Variants in FAM81A observed in about 807,000 individuals in gnomAD.
The protein encoded by FAM81A is family with sequence similarity 81 member A.
Under a neutral mutation model 46.7 loss-of-function variants are expected in FAM81A, and 19 were observed. That is an observed-to-expected ratio of 0.41 (90% CI 0.28 to 0.60). The LOEUF is 0.60. Ranked by LOEUF, FAM81A falls within the 20% of genes least tolerant of loss-of-function variation. The probability of loss-of-function intolerance (pLI) is 0.34; values close to 1 mark genes in which losing one functional copy is unlikely to be tolerated. For synonymous variants in FAM81A, 183 were observed against 152.9 expected, an observed-to-expected ratio of 1.20 and a Z score of -1.45; for missense variants, 377 against 453.5, an observed-to-expected ratio of 0.83 and a Z score of 1.53.
intron 3 of FAM81A, among the ~76,000 whole-genome samples, chr15:59,463,738 GGA>G (rs1466891202): frequency 1.6e-5 from 1 of 64,388 alleles, no homozygotes; most frequent in African/African-American, 8.0e-5. Context: ...ATCCATTTGG[GGA>G]GAGTTGCCAT....
chr15:59,468,075 G>A (rs2081637329), intron 3 of FAM81A, among the ~76,000 whole-genome samples: 1 of 152,112 alleles, frequency 6.6e-6, no homozygotes, highest in Admixed American at 6.5e-5. Flanking sequence ...GATCTTGGTG[G>A]ATAAGCTTTT....
At chr15:59,502,358 G>C (rs1027258379) in intron 4 of FAM81A, among the ~76,000 whole-genome samples, 3 of 151,836 alleles carry the variant, frequency 2.0e-5, no homozygotes, top group Non-Finnish European at 2.9e-5. Context: ...AGTCCCCAGA[G>C]TGTGATGTTC....
At chr15:59,431,065 C>T (rs577258531) in intron 2 of FAM81A, among the ~76,000 whole-genome samples, 19 of 152,116 alleles carry the variant, frequency 1.2e-4, no homozygotes, top group African/African-American at 4.6e-4. Context: ...TGCCTTTGAT[C>T]TCCATTTGAA....
In FAM81A at chr15:59,487,200, TTA is replaced by T. The variant is rs1391702171; in HGVS notation, c.295-5061_295-5060del. Among the ~76,000 whole-genome samples the T allele has an allele frequency of 2.7e-5, 4 of 146,784 alleles. No individual in the cohort carries two copies. In the East Asian group the frequency reaches 5.8e-4, roughly 21 times the overall value. On this transcript the variant is annotated intron_variant, in intron 3 of 8. Coordinates refer to ENST00000288228, the MANE Select transcript of FAM81A (RefSeq NM_152450.3). ...TATATATATATATTTTATATATATA[TTA>T]TATATATATCTTATATGTATATTAT... is the stretch of plus-strand genomic sequence containing the variant.
intron 4 of FAM81A, 138 bp downstream of exon 4, chr15:59,492,527 TA>T: frequency 1.5e-6 from 1 of 668,324 alleles, no homozygotes; most frequent in Non-Finnish European, 2.5e-6. Flanking sequence ...GCTTTGGCCA[TA>T]AAATCCAGTG....
At position 59,479,442 on chromosome 15, in the gene FAM81A, C is replaced by T. The variant is rs146882650; in HGVS notation, c.295-12829C>T. ...AGGAGAATTGCTTGAACCCGGGAGG[C>T]GGAGGTTGCAGTGAGCTGAGATTGT... On this transcript the variant is annotated intron_variant, in intron 3 of 8. Transcript: ENST00000288228. 2.3e-3 allele frequency among the ~76,000 whole-genome samples: 304 copies of T among 134,108 alleles called. 4 individuals carry two copies. Among genetic ancestry groups the T allele is most frequent in the Middle Eastern group, 4.4e-3 (1 of 226 alleles). The allele number at this position is 134,108 out of a possible 152,430, so 88.0% of individuals were successfully genotyped here.
intron 1 of FAM81A, among the ~76,000 whole-genome samples, chr15:59,443,002 T>TA: frequency 1.3e-5 from 2 of 152,224 alleles, no homozygotes. Flanking sequence ...AGCTATTATC[T>TA]AATCAACAGG....
chr15:59,417,774 TA>T lies in FAM81A; in HGVS notation c.-78+15417del, dbSNP rs1389587488. 7.2e-5 allele frequency among the ~76,000 whole-genome samples: 11 copies of T among 152,148 alleles called. No homozygotes were observed. In the East Asian group the frequency reaches 9.6e-4, roughly 13 times the overall value. On this transcript the variant is annotated intron_variant, in intron 2 of 4. Coordinates refer to the FAM81A transcript ENST00000558348. ...ATTTTTTTTGCTTGATTATCCCTTT[TA>T]TTTTTTTTATTATACTTTAAAGTTC...
intron 3 of FAM81A, among the ~76,000 whole-genome samples, chr15:59,483,382 CT>C (rs2081878542): frequency 6.6e-6 from 1 of 152,050 alleles, no homozygotes; most frequent in South Asian, 2.1e-4. Flanking sequence ...CAGGTTTCCA[CT>C]GAGGGAAACA....
rs1425258448 is a variant in FAM81A at position 59,522,410 on chromosome 15, A to T, written c.*1032A>T. On this transcript the variant is annotated 3_prime_UTR_variant, in exon 9 of 9. Coordinates refer to ENST00000288228, the MANE Select transcript of FAM81A (RefSeq NM_152450.3). ...CTCTGTATTTTTTAAATGTTCTAAA[A>T]ATTTTATCGCTGTTAAGGTATTAAT... 6.6e-6 allele frequency: 1 copy of T among 152,658 alleles called. No homozygotes were observed. Among genetic ancestry groups the T allele is most frequent in the East Asian group, 1.9e-4 (1 of 5,206 alleles). 9.5% of individuals were successfully genotyped at this position (152,658 alleles called of 1,614,324 possible). A position where few individuals can be genotyped will look rare whatever the true frequency, so the allele number is the denominator to read the frequency against.
intron 3 of FAM81A, among the ~76,000 whole-genome samples, chr15:59,471,851 T>G (rs1161362986): frequency 6.6e-6 from 1 of 152,150 alleles, no homozygotes; most frequent in Non-Finnish European, 1.5e-5. Flanking sequence ...GGACAAGGAT[T>G]CACTCAGAAT....
intron 3 of FAM81A, among the ~76,000 whole-genome samples, chr15:59,466,114 G>T (rs1393679429): frequency 1.3e-5 from 2 of 152,184 alleles, no homozygotes; most frequent in Non-Finnish European, 2.9e-5. Context: ...ATCACTGATG[G>T]ACATTTGGGT....
At chr15:59,489,146 T>G (rs1317313928) in intron 3 of FAM81A, among the ~76,000 whole-genome samples, 2 of 151,510 alleles carry the variant, frequency 1.3e-5, no homozygotes, top group African/African-American at 4.9e-5. Flanking sequence ...GCGCCTGTAG[T>G]CCCAGCTACT....
chr15:59,422,977 A>G (rs1030964421), intron 2 of FAM81A, among the ~76,000 whole-genome samples: 22 of 152,238 alleles, frequency 1.4e-4, no homozygotes, highest in Non-Finnish European at 3.1e-4. Context: ...AATAATGATA[A>G]TAATGATAGT....
chr15:59,507,134 A>T (rs2082157640), intron 4 of FAM81A, 79 bp from the exon 5 acceptor site: 2 of 1,504,738 alleles, frequency 1.3e-6, no homozygotes, highest in Non-Finnish European at 1.8e-6. Flanking sequence ...TGGGTTTTGC[A>T]TTTCAGAGTG....
chr15:59,486,522 A>G (rs2081918716), intron 3 of FAM81A, among the ~76,000 whole-genome samples: 1 of 152,186 alleles, frequency 6.6e-6, no homozygotes, highest in Non-Finnish European at 1.5e-5. Context: ...ATCAAAATTC[A>G]AGTACAAGAA....
chr15:59,518,929 T>TTGTGTGTGTGTGTC (rs1219753725), intron 8 of FAM81A, among the ~76,000 whole-genome samples: 1 of 136,008 alleles, frequency 7.4e-6, no homozygotes, highest in South Asian at 2.4e-4. Flanking sequence ...TCACAGGTAT[T>TTGTGTGTGTGTGTC]TGTGTGTGTG....
intron 1 of FAM81A, among the ~76,000 whole-genome samples, chr15:59,450,571 T>C (rs2081407092): frequency 6.6e-6 from 1 of 152,238 alleles, no homozygotes; most frequent in Non-Finnish European, 1.5e-5. Context: ...GATCTTTTCA[T>C]ACTTGATTTT....
intron 4 of FAM81A, among the ~76,000 whole-genome samples, chr15:59,499,280 T>A (rs1596532077): frequency 6.6e-6 from 1 of 152,328 alleles, no homozygotes; most frequent in Non-Finnish European, 1.5e-5. Context: ...CACCATCTGT[T>A]GTCATTTCCT....
Sources: gnomAD v4.1 joint callset for allele counts (sites outside exome capture counted in the v4.1 genomes callset) on GRCh38, gnomAD v4.1.1 for gene constraint, MANE v1.5 for transcripts, NCBI Gene and HGNC (gene_info 2026-07-23, HGNC 2026-07-21) for gene names.